The following LEKR1 variants were observed in gnomAD, a reference collection of about 807,000 sequenced individuals.
The protein encoded by LEKR1 is protein LEKR1.
In LEKR1, 59 loss-of-function variants were observed where a neutral mutation model predicts 72.4. The observed-to-expected ratio is 0.82, with a 90% CI of 0.66 to 1.01. The LOEUF is 1.01. Ranked by LOEUF, LEKR1 falls within the 50% of genes least tolerant of loss-of-function variation. The pLI, the probability that LEKR1 is intolerant of heterozygous loss-of-function variation, is 0.00. For synonymous variants in LEKR1, 257 were observed against 263.2 expected (o/e 0.98, Z 0.23); for missense variants, 728 against 759.2 (o/e 0.96, Z 0.48).
At chr3:156,853,754 G>A (rs1368962048) in intron 3 of LEKR1, among the ~76,000 whole-genome samples, 2 of 151,948 alleles carry the variant, frequency 1.3e-5, no homozygotes, top group Non-Finnish European at 2.9e-5. Flanking sequence ...AGTTGAGCCA[G>A]ATATTTCTTA....
chr3:156,879,803 C>T (rs926950956), intron 3 of LEKR1, among the ~76,000 whole-genome samples: 4 of 152,190 alleles, frequency 2.6e-5, no homozygotes, highest in African/African-American at 7.2e-5. Context: ...AGGTACAGCT[C>T]GGGTTGTGGC....
At chr3:156,894,809 A>T (rs544813593) in intron 3 of LEKR1, among the ~76,000 whole-genome samples, 1 of 152,364 alleles carries the variant, frequency 6.6e-6, no homozygotes, top group Admixed American at 6.5e-5. Context: ...TCCCTATTCA[A>T]TAAATGCTGC....
rs1346506916 is a variant in LEKR1, at chr3:157,045,439, A to G, written c.1768A>G (p.Lys590Glu). 3.7e-6 allele frequency: 6 copies of G among 1,614,004 alleles called. No homozygotes were observed. The African/African-American group carries it at 8.0e-5, about 22-fold the overall frequency. The change falls in exon 13 of 13, where the codon AAG (lysine) becomes GAG (glutamate). Residue 590 changes from lysine to glutamate, a missense_variant. By Grantham distance (56) the Lys-to-Glu change is moderately conservative. Transcript: ENST00000356539. ...CAGAGAACAGCTCCTGGAGCTCAGT[A>G]AGCTTCGTGGAAGTTTACCATTCTC... ...QAREQLLELS[K>E]LRGSLPFSPC...
chr3:156,852,970 C>A lies in LEKR1; in HGVS notation c.251C>A (p.Ser84Tyr). ...GAACAGTACAAAATTGACAACAAAT[C>A]CAAAACAGAAAGGTTGAGTATGTTT... is the stretch of plus-strand genomic sequence containing the variant. ...ELEQYKIDNKSKTERIYDVGM... is the reference protein window; with the variant it reads ...ELEQYKIDNKYKTERIYDVGM... Residue 84 changes from serine to tyrosine, a missense_variant, in exon 3 of 13, where the codon TCC (serine) becomes TAC (tyrosine). By Grantham distance (144) the Ser-to-Tyr change is moderately radical (BLOSUM62 -2). Transcript: ENST00000356539. 2 of 1,532,432 alleles carry A rather than the reference C, an allele frequency of 1.3e-6. No homozygotes were observed. Among genetic ancestry groups the A allele is most frequent in the South Asian group, 1.2e-5 (1 of 83,572 alleles). The allele number at this position is 1,532,432 out of a possible 1,614,324, so 94.9% of individuals were successfully genotyped here.
chr3:156,850,813 G>A (rs1390644659), intron 2 of LEKR1, among the ~76,000 whole-genome samples: 1 of 149,056 alleles, frequency 6.7e-6, no homozygotes, highest in Non-Finnish European at 1.5e-5. Context: ...AGCAGCCAGG[G>A]CTGCTATGGA....
At chr3:157,020,270 ATTAT>A in intron 10 of LEKR1, among the ~76,000 whole-genome samples, 1 of 146,702 alleles carries the variant, frequency 6.8e-6, no homozygotes, top group South Asian at 2.1e-4. Flanking sequence ...TATTATTATT[ATTAT>A]TATTATTATT....
intron 7 of LEKR1, among the ~76,000 whole-genome samples, chr3:156,985,808 A>C (rs1384487132): frequency 6.7e-6 from 1 of 149,270 alleles, no homozygotes; most frequent in African/African-American, 2.5e-5. Flanking sequence ...GCACCACTGC[A>C]CTCCAGCCTG....
At chr3:156,965,212 T>C (rs374814389) in intron 6 of LEKR1, among the ~76,000 whole-genome samples, 2 of 152,146 alleles carry the variant, frequency 1.3e-5, no homozygotes, top group South Asian at 2.1e-4. Context: ...TTAATCATGG[T>C]AAACACACAT....
chr3:156,929,397 A>G (rs1237921069), intron 5 of LEKR1, among the ~76,000 whole-genome samples: 1 of 152,128 alleles, frequency 6.6e-6, no homozygotes, highest in Non-Finnish European at 1.5e-5. Context: ...CTAAATGCTG[A>G]AAATAAAATT....
chr3:157,013,584 A>G (rs2108024634), intron 10 of LEKR1, among the ~76,000 whole-genome samples: 1 of 152,286 alleles, frequency 6.6e-6, no homozygotes, highest in Non-Finnish European at 1.5e-5. Context: ...TCTATAGTAT[A>G]AATGGACATT....
intron 3 of LEKR1, among the ~76,000 whole-genome samples, chr3:156,857,337 G>T (rs1017336936): frequency 6.6e-6 from 1 of 151,972 alleles, no homozygotes; most frequent in Non-Finnish European, 1.5e-5. Flanking sequence ...CATGATTCTT[G>T]CCACTGCTAT....
intron 5 of LEKR1, among the ~76,000 whole-genome samples, chr3:156,937,173 G>GAACAACAAC (rs58343127): frequency 7.3e-5 from 11 of 151,096 alleles, no homozygotes; most frequent in African/African-American, 9.7e-5. Flanking sequence ...AGAACAGCAA[G>GAACAACAAC]AACAACAACA....
chr3:156,899,439 CATATAT>C, intron 3 of LEKR1, among the ~76,000 whole-genome samples: 1 of 65,142 alleles, frequency 1.5e-5, no homozygotes, highest in Non-Finnish European at 2.8e-5. Context: ...TGTATATATA[CATATAT>C]ACATATATAC....
intron 6 of LEKR1, among the ~76,000 whole-genome samples, chr3:156,966,974 A>G (rs1006999171): frequency 1.3e-5 from 2 of 152,136 alleles, no homozygotes; most frequent in Non-Finnish European, 2.9e-5. Flanking sequence ...GCCCACAAAT[A>G]TATGCTGTTC....
intron 5 of LEKR1, among the ~76,000 whole-genome samples, chr3:156,933,581 C>T (rs533557711): frequency 6.6e-6 from 1 of 152,236 alleles, no homozygotes; most frequent in East Asian, 1.9e-4. Flanking sequence ...TGTCTTGTCA[C>T]ATCTTATAGA....
intron 5 of LEKR1, among the ~76,000 whole-genome samples, chr3:156,941,714 T>A (rs1044265357): frequency 6.6e-6 from 1 of 152,094 alleles, no homozygotes; most frequent in Admixed American, 6.6e-5. Flanking sequence ...TTAATTGTGG[T>A]TGTACAAATT....
At chr3:156,858,381 A>G (rs1265964534) in intron 3 of LEKR1, among the ~76,000 whole-genome samples, 1 of 152,130 alleles carries the variant, frequency 6.6e-6, no homozygotes, top group Non-Finnish European at 1.5e-5. Context: ...TTTAAAATTT[A>G]TATTTATCAG....
At chr3:156,885,657 C>G (rs1188161682) in intron 3 of LEKR1, among the ~76,000 whole-genome samples, 4 of 152,256 alleles carry the variant, frequency 2.6e-5, no homozygotes. Flanking sequence ...AGCACCTCCT[C>G]TGGTAGAGAT....
chr3:156,961,756 T>C (rs1728151859), intron 6 of LEKR1, among the ~76,000 whole-genome samples: 1 of 152,196 alleles, frequency 6.6e-6, no homozygotes, highest in African/African-American at 2.4e-5. Context: ...GAATAAGTTA[T>C]TAATTTCTAT....
Sources: gnomAD v4.1 joint callset for allele counts (sites outside exome capture counted in the v4.1 genomes callset) on GRCh38, gnomAD v4.1.1 for gene constraint, MANE v1.5 for transcripts, NCBI Gene and HGNC (gene_info 2026-07-23, HGNC 2026-07-21) for gene names.